Variants in CNTN5 observed in about 807,000 individuals in gnomAD.
The protein encoded by CNTN5 is contactin 5.
CNTN5 carries 77 observed loss-of-function variants against 129.1 expected under a neutral mutation model. The ratio of observed to expected loss-of-function variants is 0.60; its 90% CI spans 0.50 to 0.72. The LOEUF (loss-of-function observed/expected upper bound fraction) is 0.72. Ranked by LOEUF, CNTN5 falls within the 30% of genes least tolerant of loss-of-function variation. The pLI is 0.00. For missense variants in CNTN5, 1,478 were observed against 1,328.8 expected (o/e 1.11, Z -1.75); for synonymous variants, 509 against 465.6 (o/e 1.09, Z -1.20).
At chr11:99,306,022 T>C (rs1054754897) in intron 1 of CNTN5, among the ~76,000 whole-genome samples, 3 of 152,074 alleles carry the variant, frequency 2.0e-5, no homozygotes, top group African/African-American at 7.2e-5. Flanking sequence ...GAAAGATGTC[T>C]AGAAGAACTA....
intron 8 of CNTN5, among the ~76,000 whole-genome samples, chr11:99,975,440 T>C (rs1267536563): frequency 6.6e-6 from 1 of 152,102 alleles, no homozygotes; most frequent in African/African-American, 2.4e-5. Context: ...GATTTTAAGG[T>C]AGTTTTGGCA....
At chr11:99,559,844 T>C (rs1948783323) in intron 3 of CNTN5, among the ~76,000 whole-genome samples, 2 of 152,166 alleles carry the variant, frequency 1.3e-5, no homozygotes, top group Admixed American at 1.3e-4. Context: ...TTCTATACAA[T>C]GGAATACTAT....
chr11:99,914,820 A>T (rs544691183), intron 6 of CNTN5, among the ~76,000 whole-genome samples: 24 of 152,220 alleles, frequency 1.6e-4, no homozygotes, highest in African/African-American at 5.8e-4. Flanking sequence ...AGATTTGGTT[A>T]TACATTCAGC....
chr11:99,688,194 T>C (rs1953876487), intron 3 of CNTN5, among the ~76,000 whole-genome samples: 1 of 152,090 alleles, frequency 6.6e-6, no homozygotes, highest in African/African-American at 2.4e-5. Context: ...AAACAAAAAA[T>C]CTGAAATAAA....
intron 15 of CNTN5, among the ~76,000 whole-genome samples, chr11:100,196,945 C>T (rs955680493): frequency 1.3e-5 from 2 of 151,964 alleles, no homozygotes; most frequent in African/African-American, 2.4e-5. Context: ...TAGCCCTTCA[C>T]ACCTAAGAGA....
chr11:99,989,962 T>A (rs1938955310), intron 8 of CNTN5, among the ~76,000 whole-genome samples: 1 of 152,142 alleles, frequency 6.6e-6, no homozygotes. Context: ...AGACGGGGTT[T>A]CACCGTGTTA....
intron 1 of CNTN5, among the ~76,000 whole-genome samples, chr11:99,173,136 C>T (rs917055592): frequency 1.6e-4 from 24 of 152,106 alleles, no homozygotes; most frequent in Admixed American, 1.3e-3. Context: ...ATAATTTAAT[C>T]GTCTCACACC....
intron 9 of CNTN5, among the ~76,000 whole-genome samples, chr11:100,035,850 G>A (rs944652256): frequency 3.3e-5 from 5 of 152,022 alleles, no homozygotes; most frequent in African/African-American, 1.2e-4. Context: ...TGAGTTCATT[G>A]TAGATTCTGG....
intron 2 of CNTN5, among the ~76,000 whole-genome samples, chr11:99,329,071 G>T (rs1022561760): frequency 6.6e-6 from 1 of 152,048 alleles, no homozygotes; most frequent in Admixed American, 6.6e-5. Flanking sequence ...GTTGGATATC[G>T]ATGGATTATT....
intron 3 of CNTN5, among the ~76,000 whole-genome samples, chr11:99,789,693 C>T (rs1945669533): frequency 6.6e-6 from 1 of 151,976 alleles, no homozygotes; most frequent in African/African-American, 2.4e-5. Context: ...GTTTTTCTCT[C>T]TTAAATCTTG....
In CNTN5 at chr11:99,956,990, A is replaced by G; in HGVS notation, c.858A>G (p.Pro286=). 2 of 1,613,622 alleles carry G rather than the reference A, an allele frequency of 1.2e-6. No homozygotes were observed. Among genetic ancestry groups the G allele is most frequent in the Non-Finnish European group, 1.7e-6 (2 of 1,179,730 alleles). The part of the protein sequence containing the change: ...TNARVLSPPT[P]LTLRNDGVMG... ...CTAGAGTCCTTAGTCCTCCAACGCC[A>G]CTCACTCTGCGTAATGATGGTAAGT... is the stretch of plus-strand genomic sequence containing the variant. The change falls in exon 8 of 25, where the codon CCA becomes CCG. Residue 286 remains proline (P), a synonymous_variant. Transcript: ENST00000524871.
chr11:99,394,377 A>G (rs1343399199), intron 2 of CNTN5, among the ~76,000 whole-genome samples: 2 of 151,566 alleles, frequency 1.3e-5, no homozygotes, highest in Non-Finnish European at 3.0e-5. Context: ...ATTACCTCAA[A>G]CTCACATTAA....
At chr11:99,646,826 A>G (rs1266657421) in intron 3 of CNTN5, among the ~76,000 whole-genome samples, 1 of 150,868 alleles carries the variant, frequency 6.6e-6, no homozygotes. Flanking sequence ...AAAAAAAAAA[A>G]AGGAAAAAAA....
At chr11:100,270,279 C>T (rs979942430) in intron 17 of CNTN5, among the ~76,000 whole-genome samples, 3 of 152,184 alleles carry the variant, frequency 2.0e-5, no homozygotes, top group Non-Finnish European at 4.4e-5. Flanking sequence ...GTGGTAAAAA[C>T]AGAATTGAGT....
Position 99,676,677 on chromosome 11 carries a change from A to G in CNTN5, c.55+120408A>G, listed in dbSNP as rs142945897. ...AAAAGAACTTAAGAAAAACATATGT[A>G]ACAAACCTGCACGTTGTGCCCATAT... On this transcript the variant is annotated intron_variant, in intron 3 of 24. Transcript: ENST00000524871. 7.8e-3 allele frequency among the ~76,000 whole-genome samples: 1,184 copies of G among 152,302 alleles called. 12 individuals carry two copies. The highest frequency in any genetic ancestry group is 0.024 in the Middle Eastern group (7 of 294).
chr11:100,139,222 ATTATAAT>A (rs1565278352), intron 13 of CNTN5, among the ~76,000 whole-genome samples: 1 of 152,156 alleles, frequency 6.6e-6, no homozygotes, highest in African/African-American at 2.4e-5. Flanking sequence ...CACCATATAG[ATTATAAT>A]TAAAGCCCCG....
At chr11:99,291,355 C>G (rs565217923) in intron 1 of CNTN5, among the ~76,000 whole-genome samples, 1 of 151,920 alleles carries the variant, frequency 6.6e-6, no homozygotes, top group East Asian at 1.9e-4. Context: ...CTTTATTACA[C>G]TGGAATAACA....
At chr11:99,586,222 C>G (rs1469520536) in intron 3 of CNTN5, among the ~76,000 whole-genome samples, 4 of 152,100 alleles carry the variant, frequency 2.6e-5, no homozygotes, top group Non-Finnish European at 5.9e-5. Context: ...AGTCTTAGCT[C>G]TATTACCATC....
intron 3 of CNTN5, among the ~76,000 whole-genome samples, chr11:99,739,705 A>T (rs555981035): frequency 2.0e-5 from 3 of 152,098 alleles, no homozygotes; most frequent in Admixed American, 1.3e-4. Flanking sequence ...TTCAGATGAG[A>T]TTTCTTACCA....
Sources: allele counts gnomAD v4.1 joint callset (sites outside exome capture counted in the v4.1 genomes callset), GRCh38; gene constraint gnomAD v4.1.1; transcripts MANE v1.5; gene names NCBI Gene and HGNC (gene_info 2026-07-23, HGNC 2026-07-21).